SDK1: variants seen among roughly 807,000 people sequenced by gnomAD.
SDK1 encodes protein sidekick-1.
Under a neutral mutation model 245.5 loss-of-function variants are expected in SDK1, and 157 were observed. The observed-to-expected ratio is 0.64, with a 90% CI of 0.56 to 0.73. The LOEUF is 0.73. Among genes scored for constraint, SDK1 ranks in the 30% least tolerant of loss-of-function variants. SDK1 has a pLI of 0.00. For synonymous variants in SDK1, 1,647 were observed against 1,278.5 expected (o/e 1.29, Z -6.15); for missense variants, 3,583 against 3,002.3 (o/e 1.19, Z -4.52).
chr7:3,467,833 A>G (rs1309468606), intron 1 of SDK1, among the ~76,000 whole-genome samples: 6 of 152,134 alleles, frequency 3.9e-5, no homozygotes, highest in Non-Finnish European at 5.9e-5. Flanking sequence ...TTCCCTTAGC[A>G]TTAGACTTTA....
chr7:4,103,659 A>T (rs1293542643), intron 22 of SDK1, among the ~76,000 whole-genome samples: 1 of 152,264 alleles, frequency 6.6e-6, no homozygotes, highest in Non-Finnish European at 1.5e-5. Flanking sequence ...TCGTTAATGC[A>T]TTAAACACCA....
chr7:3,529,475 A>C (rs1783268831), intron 1 of SDK1, among the ~76,000 whole-genome samples: 1 of 152,178 alleles, frequency 6.6e-6, no homozygotes. Flanking sequence ...CACTGGCCAA[A>C]TTTTGGACAA....
At chr7:3,678,416 A>G (rs531743958) in intron 4 of SDK1, among the ~76,000 whole-genome samples, 1 of 152,356 alleles carries the variant, frequency 6.6e-6, no homozygotes, top group South Asian at 2.1e-4. Context: ...GTCTGTAGGT[A>G]CCATGGACTA....
chr7:4,204,885 A>T (rs1784107991), intron 35 of SDK1, among the ~76,000 whole-genome samples: 1 of 106,206 alleles, frequency 9.4e-6, no homozygotes, highest in South Asian at 3.0e-4. Context: ...AGATAGTGTG[A>T]AGCTGGCATG....
intron 1 of SDK1, among the ~76,000 whole-genome samples, chr7:3,460,184 A>G (rs1307537667): frequency 1.3e-5 from 2 of 152,166 alleles, no homozygotes; most frequent in East Asian, 1.9e-4. Context: ...TGCTTTCTAA[A>G]TTTCCCTCAG....
intron 4 of SDK1, among the ~76,000 whole-genome samples, chr7:3,645,816 T>A (rs1239073633): frequency 6.6e-6 from 1 of 152,102 alleles, no homozygotes; most frequent in Non-Finnish European, 1.5e-5. Context: ...TCAAGGTGCT[T>A]CCCACATATT....
At chr7:4,177,796 C>G (rs187076126) in intron 34 of SDK1, among the ~76,000 whole-genome samples, 9 of 152,188 alleles carry the variant, frequency 5.9e-5, no homozygotes, top group Non-Finnish European at 1.3e-4. Flanking sequence ...TGAAATAATT[C>G]TACAACTCAC....
intron 1 of SDK1, among the ~76,000 whole-genome samples, chr7:3,411,506 A>C (rs17133289): frequency 0.16 from 24,256 of 152,122 alleles, 1,968 homozygotes; most frequent in South Asian, 0.22. Context: ...TTACCAATAG[A>C]GTATTCTGGT....
chr7:3,343,180 A>G (rs948835573), intron 1 of SDK1, among the ~76,000 whole-genome samples: 2 of 152,204 alleles, frequency 1.3e-5, no homozygotes, highest in African/African-American at 4.8e-5. Context: ...GTTATCTCAG[A>G]GAAATGAACA....
At chr7:3,526,950 A>C (rs1783158135) in intron 1 of SDK1, among the ~76,000 whole-genome samples, 1 of 152,180 alleles carries the variant, frequency 6.6e-6, no homozygotes, top group African/African-American at 2.4e-5. Context: ...ATGTTCAGAC[A>C]GGAGGTTGTC....
In SDK1 at chr7:4,197,054, C is replaced by A. The variant is rs557644423; in HGVS notation, c.5099-8825C>A. ...CAGAAATAATGGGAGTGGCCTCCAA[C>A]GATCTGCTGTGCAATCCACACGGGC... On this transcript the variant is annotated intron_variant, in intron 35 of 44. Transcript: ENST00000404826. Among the ~76,000 whole-genome samples, 26 of 152,312 alleles carry A rather than the reference C, an allele frequency of 1.7e-4. No homozygotes were observed. The East Asian group carries it at 4.4e-3, about 26-fold the overall frequency.
At chr7:3,809,938 C>T (rs570550675) in intron 4 of SDK1, among the ~76,000 whole-genome samples, 2 of 152,330 alleles carry the variant, frequency 1.3e-5, no homozygotes, top group East Asian at 1.9e-4. Flanking sequence ...GCTGGGCCAA[C>T]GCTTCTCTGC....
chr7:4,100,274 C>G (rs1320568404), intron 22 of SDK1, among the ~76,000 whole-genome samples: 2 of 152,144 alleles, frequency 1.3e-5, no homozygotes, highest in Non-Finnish European at 2.9e-5. Flanking sequence ...CCCTGGGCTC[C>G]TAGGGCAGGG....
chr7:4,000,326 G>T (rs894729981), intron 14 of SDK1, among the ~76,000 whole-genome samples: 1 of 152,202 alleles, frequency 6.6e-6, no homozygotes, highest in Admixed American at 6.5e-5. Flanking sequence ...GCCCCCAGCG[G>T]CCTGATGCTT....
chr7:3,539,024 A>G (rs1284223166), intron 1 of SDK1, among the ~76,000 whole-genome samples: 2 of 152,204 alleles, frequency 1.3e-5, no homozygotes, highest in Non-Finnish European at 2.9e-5. Flanking sequence ...CTCAGTTCAT[A>G]GGAAAGAGTG....
intron 17 of SDK1, among the ~76,000 whole-genome samples, chr7:4,029,228 T>TTTTTTTTTTTTTTTTTTTGTG (rs746967075): frequency 1.8e-5 from 2 of 112,088 alleles, no homozygotes; most frequent in African/African-American, 5.0e-5. Context: ...TTTTTTTTTT[T>TTTTTTTTTTTTTTTTTTTGTG]TGTGAAGAAG....
intron 5 of SDK1, among the ~76,000 whole-genome samples, chr7:3,825,788 C>T (rs143532428): frequency 6.6e-6 from 1 of 152,298 alleles, no homozygotes; most frequent in African/African-American, 2.4e-5. Flanking sequence ...GTACAACTCT[C>T]TCCTATTTTC....
At chr7:4,221,407 C>A (rs376363566) in intron 40 of SDK1, 43 bp downstream of exon 40, 6 of 1,563,158 alleles carry the variant, frequency 3.8e-6, no homozygotes, top group Non-Finnish European at 5.2e-6. Context: ...GCCCAGCGGA[C>A]GGCAGTGCTT....
chr7:3,339,821 G>GA (rs1226587980), intron 1 of SDK1, among the ~76,000 whole-genome samples: 1 of 151,976 alleles, frequency 6.6e-6, no homozygotes, highest in Non-Finnish European at 1.5e-5. Flanking sequence ...CAAGAAACTA[G>GA]AAAAGAGCAA....
Sources: allele counts gnomAD v4.1 joint callset (sites outside exome capture counted in the v4.1 genomes callset), GRCh38; gene constraint gnomAD v4.1.1; transcripts MANE v1.5; gene names NCBI Gene and HGNC (gene_info 2026-07-23, HGNC 2026-07-21).